PALLD: variants seen among roughly 807,000 people sequenced by gnomAD.
The protein encoded by PALLD is palladin.
PALLD carries 61 observed loss-of-function variants against 123.5 expected under a neutral mutation model. The observed-to-expected ratio is 0.49, with a 90% CI of 0.40 to 0.61. The LOEUF is 0.61. Among genes scored for constraint, PALLD ranks in the 20% least tolerant of loss-of-function variants. The pLI is 0.00. For missense variants in PALLD, 1,273 were observed against 1,377.0 expected, an observed-to-expected ratio of 0.92 and a Z score of 1.20; for synonymous variants, 465 against 496.4, an observed-to-expected ratio of 0.94 and a Z score of 0.84.
At chr4:168,679,790 A>G (rs1359344250) in intron 3 of PALLD, among the ~76,000 whole-genome samples, 3 of 152,030 alleles carry the variant, frequency 2.0e-5, no homozygotes, top group Non-Finnish European at 2.9e-5. Flanking sequence ...TTTAACAGGG[A>G]AAGTGTGCTC....
chr4:168,602,792 G>T (rs1010975543), intron 2 of PALLD, among the ~76,000 whole-genome samples: 13 of 152,068 alleles, frequency 8.5e-5, no homozygotes, highest in Non-Finnish European at 1.5e-4. Flanking sequence ...AAAAGACAAG[G>T]TCTCACTCTG....
intron 10 of PALLD, among the ~76,000 whole-genome samples, chr4:168,777,372 C>A (rs1217192896): frequency 6.6e-6 from 1 of 152,186 alleles, no homozygotes; most frequent in East Asian, 1.9e-4. Flanking sequence ...TGACACAGGA[C>A]TTCCTGCCGC....
intron 1 of PALLD, among the ~76,000 whole-genome samples, chr4:168,503,870 G>A (rs1259578135): frequency 6.6e-6 from 1 of 152,086 alleles, no homozygotes; most frequent in Admixed American, 6.5e-5. Flanking sequence ...TGCACATCGT[G>A]CTTTGGAACT....
chr4:168,894,886 A>C, intron 12 of PALLD: 1 of 675,340 alleles, frequency 1.5e-6, no homozygotes, highest in Non-Finnish European at 2.4e-6. Context: ...TCCATCAGTG[A>C]TACCTGTTCT....
chr4:168,687,216 C>A lies in PALLD; in HGVS notation c.1335+1657C>A, dbSNP rs138417896. On this transcript the variant is annotated intron_variant, in intron 6 of 21. Transcript: ENST00000505667. Reference sequence around the variant, plus strand: ...GTTGAATCCAAGCTTTATAAAATATCTTTTCATAAGCAGTTATAGTATTTC... The same window carrying A: ...GTTGAATCCAAGCTTTATAAAATATATTTTCATAAGCAGTTATAGTATTTC... Among the ~76,000 whole-genome samples, 512 of 152,222 alleles carry A rather than the reference C, an allele frequency of 3.4e-3. 1 individual carries two copies. Among genetic ancestry groups the A allele is most frequent in the Non-Finnish European group, 5.8e-3 (392 of 68,024 alleles).
chr4:168,635,409 A>T (rs1201133007), intron 2 of PALLD, among the ~76,000 whole-genome samples: 1 of 152,174 alleles, frequency 6.6e-6, no homozygotes, highest in Non-Finnish European at 1.5e-5. Flanking sequence ...TGCCTCTCCT[A>T]TGTGGGCTAC....
intron 10 of PALLD, among the ~76,000 whole-genome samples, chr4:168,729,208 C>T (rs1402776481): frequency 6.6e-6 from 1 of 152,156 alleles, no homozygotes; most frequent in Non-Finnish European, 1.5e-5. Context: ...CTAGGTACTA[C>T]ATCATGGGCA....
At chr4:168,793,869 A>C (rs1738001629) in intron 10 of PALLD, among the ~76,000 whole-genome samples, 2 of 152,148 alleles carry the variant, frequency 1.3e-5, no homozygotes, top group South Asian at 4.1e-4. Flanking sequence ...TTCTCAGTAT[A>C]GTAATTAAAA....
intron 10 of PALLD, among the ~76,000 whole-genome samples, chr4:168,889,103 G>C (rs982701942): frequency 2.7e-5 from 4 of 150,176 alleles, no homozygotes; most frequent in African/African-American, 9.8e-5. Context: ...GTGCCTTGAC[G>C]CTTTGGCAGT....
intron 13 of PALLD, 51 bp from the exon 14 acceptor site, chr4:168,898,440 GAC>G (rs1286625290): frequency 8.7e-7 from 1 of 1,153,662 alleles, no homozygotes; most frequent in Non-Finnish European, 1.3e-6. Context: ...GGAGAGACGT[GAC>G]ACTTTGTCAG....
chr4:168,781,626 A>G (rs150838597), intron 10 of PALLD, among the ~76,000 whole-genome samples: 262 of 152,320 alleles, frequency 1.7e-3, no homozygotes, highest in African/African-American at 6.1e-3. Context: ...TCAGCAGACC[A>G]CAGTGATGCA....
At chr4:168,802,990 G>A (rs919839209) in intron 10 of PALLD, among the ~76,000 whole-genome samples, 2 of 152,056 alleles carry the variant, frequency 1.3e-5, no homozygotes, top group Non-Finnish European at 2.9e-5. Context: ...CTGTGCCCGG[G>A]CTACATTACA....
At chr4:168,857,114 A>G (rs1275043126) in intron 10 of PALLD, among the ~76,000 whole-genome samples, 1 of 152,250 alleles carries the variant, frequency 6.6e-6, no homozygotes, top group Non-Finnish European at 1.5e-5. Context: ...CCTTCTCTCG[A>G]CAACCCTTCT....
intron 10 of PALLD, among the ~76,000 whole-genome samples, chr4:168,714,017 G>T (rs897633107): frequency 2.9e-4 from 17 of 58,628 alleles, no homozygotes; most frequent in Admixed American, 4.5e-4. Flanking sequence ...CTTGATTTTT[G>T]TTTTTTCGTG....
At chr4:168,581,805 T>C (rs1770310879) in intron 2 of PALLD, among the ~76,000 whole-genome samples, 2 of 125,758 alleles carry the variant, frequency 1.6e-5, no homozygotes, top group Non-Finnish European at 3.9e-5. Flanking sequence ...GTTGCCTATG[T>C]TTTTTAGGTC....
chr4:168,761,704 G>T lies in PALLD; in HGVS notation c.1964+49781G>T, dbSNP rs1430500605. 3.1e-5 allele frequency among the ~76,000 whole-genome samples: 4 copies of T among 131,044 alleles called. No homozygotes were observed. In the Admixed American group the frequency reaches 3.5e-4, roughly 11 times the overall value. 86.0% of individuals were successfully genotyped at this position (131,044 alleles called of 152,430 possible). ...AGTTTTTTGTTTTGGTAGAGACGGG[G>T]TTTCACCATGTTTCCGCGGCTGATC... On this transcript the variant is annotated intron_variant, in intron 10 of 21. Transcript: ENST00000505667.
At chr4:168,772,754 T>G (rs1734624278) in intron 10 of PALLD, among the ~76,000 whole-genome samples, 1 of 152,028 alleles carries the variant, frequency 6.6e-6, no homozygotes, top group South Asian at 2.1e-4. Flanking sequence ...TCAGCACTAG[T>G]GGGTGCTCAA....
At chr4:168,599,304 T>C (rs1473715067) in intron 2 of PALLD, among the ~76,000 whole-genome samples, 1 of 152,212 alleles carries the variant, frequency 6.6e-6, no homozygotes, top group African/African-American at 2.4e-5. Flanking sequence ...TCACAATAAA[T>C]TGGCTTACTA....
intron 10 of PALLD, among the ~76,000 whole-genome samples, chr4:168,835,700 T>G (rs1309499699): frequency 1.4e-5 from 2 of 144,936 alleles, no homozygotes; most frequent in African/African-American, 5.0e-5. Context: ...GTTTTTTGTT[T>G]GTTTTGTTGT....
Sources: gnomAD v4.1 joint callset for allele counts (sites outside exome capture counted in the v4.1 genomes callset) on GRCh38, gnomAD v4.1.1 for gene constraint, MANE v1.5 for transcripts, NCBI Gene and HGNC (gene_info 2026-07-23, HGNC 2026-07-21) for gene names.